Variants in EPHA6 observed in about 807,000 individuals in gnomAD.
EPHA6 encodes ephrin type-A receptor 6.
A neutral mutation model predicts 112.0 loss-of-function variants in EPHA6; 50 were observed. That is an observed-to-expected ratio of 0.45 (90% CI 0.36 to 0.56). The LOEUF is 0.56. Among genes scored for constraint, EPHA6 ranks in the 20% least tolerant of loss-of-function variants. The pLI, the probability that EPHA6 is intolerant of heterozygous loss-of-function variation, is 0.00. For missense variants in EPHA6, 1,280 were observed against 1,417.4 expected, an observed-to-expected ratio of 0.90 and a Z score of 1.56; for synonymous variants, 529 against 490.7, an observed-to-expected ratio of 1.08 and a Z score of -1.03.
At chr3:96,978,318 G>A (rs1311320101) in intron 2 of EPHA6, among the ~76,000 whole-genome samples, 1 of 152,132 alleles carries the variant, frequency 6.6e-6, no homozygotes, top group African/African-American at 2.4e-5. Context: ...TTTCAGAGGT[G>A]GCAGAGGCTG....
chr3:97,467,624 G>C (rs2091098403), intron 7 of EPHA6, among the ~76,000 whole-genome samples: 1 of 151,722 alleles, frequency 6.6e-6, no homozygotes, highest in African/African-American at 2.4e-5. Flanking sequence ...CTTTTTAAAG[G>C]ATGAAAGATA....
Position 97,750,687 on chromosome 3 carries a change from T to C in EPHA6, c.*1986T>C, listed in dbSNP as rs2035880297. Among the ~76,000 whole-genome samples the C allele has an allele frequency of 6.6e-6, 1 of 152,100 alleles. No homozygotes were observed. Among genetic ancestry groups the C allele is most frequent in the South Asian group, 2.1e-4 (1 of 4,830 alleles). On this transcript the variant is annotated 3_prime_UTR_variant, in exon 18 of 18. Transcript: ENST00000389672. ...TCTTATATTTAGATTTTGTTGATCG[T>C]CCCATTATACTAGACCCTTCTACAT... is the stretch of plus-strand genomic sequence containing the variant.
chr3:97,589,239 A>T lies in EPHA6; in HGVS notation c.2387-3373A>T, dbSNP rs1293998461. ...GTGGCCCAAGACAATTCTTCTTCTA[A>T]TGTGCCCCATAGTAGCCAAAAGATT... On this transcript the variant is annotated intron_variant, in intron 11 of 17. Transcript: ENST00000389672. Among the ~76,000 whole-genome samples the T allele has an allele frequency of 3.3e-5, 5 of 151,560 alleles. No homozygotes were observed. In the East Asian group the frequency reaches 9.7e-4, roughly 29 times the overall value.
chr3:97,592,568 C>T, intron 11 of EPHA6, 44 bp from the exon 12 acceptor site: 2 of 1,606,982 alleles, frequency 1.2e-6, no homozygotes, highest in South Asian at 2.2e-5. Context: ...AATGCTTTTC[C>T]ATAAAGAAGA....
intron 7 of EPHA6, among the ~76,000 whole-genome samples, chr3:97,465,589 G>C (rs1474644219): frequency 6.6e-6 from 1 of 151,990 alleles, no homozygotes; most frequent in Non-Finnish European, 1.5e-5. Context: ...TTCAGAACAG[G>C]CTTCAAACAA....
chr3:97,221,702 C>T (rs1482814231), intron 3 of EPHA6, among the ~76,000 whole-genome samples: 1 of 152,034 alleles, frequency 6.6e-6, no homozygotes, highest in East Asian at 1.9e-4. Context: ...TTAGCATTCA[C>T]CATTTATTTA....
At chr3:97,649,226 C>T (rs1410273003) in intron 14 of EPHA6, among the ~76,000 whole-genome samples, 1 of 152,092 alleles carries the variant, frequency 6.6e-6, no homozygotes, top group Non-Finnish European at 1.5e-5. Context: ...TCACGTCTTA[C>T]ATGGTGACAG....
chr3:97,596,910 G>GTATATATGTATA (rs2093599608), intron 12 of EPHA6, among the ~76,000 whole-genome samples: 1 of 97,876 alleles, frequency 1.0e-5, no homozygotes, highest in Admixed American at 9.6e-5. Flanking sequence ...ATATATGTAT[G>GTATATATGTATA]TATATATGCC....
At chr3:97,446,627 A>C (rs1353434312) in intron 6 of EPHA6, among the ~76,000 whole-genome samples, 1 of 152,120 alleles carries the variant, frequency 6.6e-6, no homozygotes, top group African/African-American at 2.4e-5. Flanking sequence ...GTGAGACAGC[A>C]CTCAAAATGC....
In EPHA6 at chr3:96,991,886, G is replaced by A. The variant is rs116350261; in HGVS notation, c.1114+3893G>A. On this transcript the variant is annotated intron_variant, in intron 3 of 17. Transcript: ENST00000389672. The stretch of plus-strand genomic sequence containing the variant: ...AAATTTTCTCCCATTCCGAAAGGCA[G>A]GGAACACAACAGTCACTGGTCCATT... 5.6e-3 allele frequency among the ~76,000 whole-genome samples: 845 copies of A among 152,230 alleles called. 7 individuals carry two copies. The highest frequency in any genetic ancestry group is 0.02 in the African/African-American group (816 of 41,544).
intron 10 of EPHA6, among the ~76,000 whole-genome samples, chr3:97,518,596 T>A (rs1464593539): frequency 2.0e-5 from 3 of 151,608 alleles, no homozygotes; most frequent in Admixed American, 2.0e-4. Flanking sequence ...TATATTCCCA[T>A]CAACAGTGTA....
chr3:97,353,495 C>T (rs2083911763), intron 5 of EPHA6, among the ~76,000 whole-genome samples: 1 of 151,924 alleles, frequency 6.6e-6, no homozygotes, highest in South Asian at 2.1e-4. Flanking sequence ...ATACTTGTCA[C>T]AGGCCTAGAG....
At chr3:96,964,642 ATATT>A (rs1239753501) in intron 2 of EPHA6, among the ~76,000 whole-genome samples, 1 of 152,118 alleles carries the variant, frequency 6.6e-6, no homozygotes, top group Non-Finnish European at 1.5e-5. Flanking sequence ...TAGATCCACT[ATATT>A]TTATTTATCC....
intron 3 of EPHA6, among the ~76,000 whole-genome samples, chr3:97,152,434 TAATA>T (rs888748713): frequency 6.7e-6 from 1 of 148,974 alleles, no homozygotes; most frequent in Non-Finnish European, 1.5e-5. Context: ...TATTAATAAA[TAATA>T]TATATTAAAT....
At chr3:97,616,284 C>T (rs1009017876) in intron 13 of EPHA6, among the ~76,000 whole-genome samples, 1 of 152,106 alleles carries the variant, frequency 6.6e-6, no homozygotes, top group African/African-American at 2.4e-5. Flanking sequence ...AGGTCAGCAA[C>T]CTCAAAGATT....
chr3:97,448,473 C>A, intron 6 of EPHA6, 95 bp from the exon 7 acceptor site: 1 of 1,315,398 alleles, frequency 7.6e-7, no homozygotes, highest in Non-Finnish European at 1.1e-6. Flanking sequence ...TTTTGGTATT[C>A]AGAGCATAAT....
chr3:97,304,118 C>A (rs539828988), intron 5 of EPHA6, among the ~76,000 whole-genome samples: 11 of 152,036 alleles, frequency 7.2e-5, no homozygotes, highest in Admixed American at 3.3e-4. Flanking sequence ...GCTGAAGTTT[C>A]TTATCAGCTT....
At chr3:97,646,255 T>C (rs1576191504) in intron 14 of EPHA6, 2 of 1,534,938 alleles carry the variant, frequency 1.3e-6, no homozygotes. Flanking sequence ...AGAAGGGCCA[T>C]GGGAGCCAGT....
At chr3:97,699,793 A>T (rs755380026) in intron 14 of EPHA6, among the ~76,000 whole-genome samples, 3 of 152,214 alleles carry the variant, frequency 2.0e-5, no homozygotes, top group Non-Finnish European at 4.4e-5. Flanking sequence ...TACTTCCCTT[A>T]TGCCACCATT....
Sources: gnomAD v4.1 joint callset for allele counts (sites outside exome capture counted in the v4.1 genomes callset) on GRCh38, gnomAD v4.1.1 for gene constraint, MANE v1.5 for transcripts, NCBI Gene and HGNC (gene_info 2026-07-23, HGNC 2026-07-21) for gene names.